The following FSHR variants were observed in gnomAD, a reference collection of about 807,000 sequenced individuals.
FSHR encodes follicle-stimulating hormone receptor.
Under a neutral mutation model 52.1 loss-of-function variants are expected in FSHR, and 46 were observed. The ratio of observed to expected loss-of-function variants is 0.88; its 90% CI spans 0.70 to 1.13. The LOEUF (loss-of-function observed/expected upper bound fraction) is 1.13, where lower values mean the gene tolerates loss of function less well. Among genes scored for constraint, FSHR ranks in the 50% most tolerant of loss-of-function variants. The pLI, the probability that FSHR is intolerant of heterozygous loss-of-function variation, is 0.00. For synonymous variants in FSHR, 399 were observed against 309.6 expected (o/e 1.29, Z -3.03); for missense variants, 964 against 834.6 (o/e 1.16, Z -1.91).
intron 3 of FSHR, among the ~76,000 whole-genome samples, chr2:49,018,390 TC>T (rs1667571848): frequency 6.6e-6 from 1 of 152,226 alleles, no homozygotes; most frequent in African/African-American, 2.4e-5. Flanking sequence ...AGTTACTTCC[TC>T]CCTGTTTCAT....
chr2:49,027,206 C>T (rs561875085), intron 2 of FSHR, among the ~76,000 whole-genome samples: 53 of 152,284 alleles, frequency 3.5e-4, no homozygotes, highest in South Asian at 1.5e-3. Flanking sequence ...TTCTTGCAAA[C>T]CTCCCTTTAT....
At chr2:49,040,014 C>T (rs1248270734) in intron 2 of FSHR, among the ~76,000 whole-genome samples, 3 of 151,726 alleles carry the variant, frequency 2.0e-5, no homozygotes, top group Admixed American at 6.6e-5. Flanking sequence ...GAAGCATTTC[C>T]AAAAGCATTT....
At chr2:49,119,504 C>T (rs747713711) in intron 1 of FSHR, among the ~76,000 whole-genome samples, 1 of 151,944 alleles carries the variant, frequency 6.6e-6, no homozygotes, top group South Asian at 2.1e-4. Context: ...TCAATTTATC[C>T]AGCACCTGAA....
At chr2:49,051,635 T>G (rs1355422048) in intron 2 of FSHR, among the ~76,000 whole-genome samples, 1 of 152,110 alleles carries the variant, frequency 6.6e-6, no homozygotes, top group Non-Finnish European at 1.5e-5. Context: ...ATTATGTGAT[T>G]TGGTTGTCAT....
At chr2:49,103,254 C>T (rs530433620) in intron 1 of FSHR, among the ~76,000 whole-genome samples, 1 of 152,092 alleles carries the variant, frequency 6.6e-6, no homozygotes, top group Admixed American at 6.6e-5. Flanking sequence ...GGGACTGATA[C>T]AGAAATGCTG....
chr2:49,014,617 C>T, intron 4 of FSHR: 1 of 255,160 alleles, frequency 3.9e-6, no homozygotes, highest in Non-Finnish European at 7.7e-6. Flanking sequence ...GTGCTGGCTG[C>T]AAGATGTGGG....
intron 1 of FSHR, among the ~76,000 whole-genome samples, chr2:49,132,583 A>G (rs1055151955): frequency 3.9e-5 from 6 of 152,172 alleles, no homozygotes; most frequent in Non-Finnish European, 7.4e-5. Context: ...ATTATTTAAC[A>G]CTAATAATGC....
intron 1 of FSHR, among the ~76,000 whole-genome samples, chr2:49,141,866 C>A (rs1473608146): frequency 1.3e-5 from 2 of 152,038 alleles, no homozygotes; most frequent in East Asian, 3.9e-4. Context: ...ATGTTAAAAT[C>A]AGGTATATAA....
At position 49,060,184 on chromosome 2, in the gene FSHR, G is replaced by A. The variant is rs541449250; in HGVS notation, c.224+8035C>T. Among the ~76,000 whole-genome samples, 40 of 151,832 alleles carry A rather than the reference G, an allele frequency of 2.6e-4. No homozygotes were observed. The South Asian group carries it at 7.3e-3, about 28-fold the overall frequency. On this transcript the variant is annotated intron_variant, in intron 2 of 9. Coordinates refer to ENST00000406846, the MANE Select transcript of FSHR (RefSeq NM_000145.4). ...ACACCATTTGGGATGGTTATTAAAC[G>A]AAAAAAATACCGGTGAGGATGCAGA...
chr2:49,018,829 G>A lies in FSHR; in HGVS notation c.299+1257C>T, dbSNP rs535430005. ...AGACTAAAGAAATTCACACACACGCGCATGCACACACACACACACCTGTGT... is the reference window on the plus strand; with the variant it reads ...AGACTAAAGAAATTCACACACACGCACATGCACACACACACACACCTGTGT... On this transcript the variant is annotated intron_variant, in intron 3 of 9. Coordinates refer to ENST00000406846, the MANE Select transcript of FSHR (RefSeq NM_000145.4). Among the ~76,000 whole-genome samples, 10 of 115,472 alleles carry A rather than the reference G, an allele frequency of 8.7e-5. No homozygotes were observed. In the East Asian group the frequency reaches 1.8e-3, roughly 21 times the overall value. The allele number at this position is 115,472 out of a possible 152,430, so 75.8% of individuals were successfully genotyped here.
At chr2:49,039,924 G>GT (rs11338274) in intron 2 of FSHR, among the ~76,000 whole-genome samples, 4 of 150,124 alleles carry the variant, frequency 2.7e-5, no homozygotes, top group Non-Finnish European at 4.4e-5. Flanking sequence ...TACATTGGTG[G>GT]TTTTTTTTTT....
intron 1 of FSHR, among the ~76,000 whole-genome samples, chr2:49,140,577 G>A (rs1023550404): frequency 2.6e-5 from 4 of 152,114 alleles, no homozygotes. Context: ...GTGCGTGCCT[G>A]TAATCCCAGC....
At chr2:49,102,016 A>G (rs1671044570) in intron 1 of FSHR, among the ~76,000 whole-genome samples, 1 of 152,124 alleles carries the variant, frequency 6.6e-6, no homozygotes, top group African/African-American at 2.4e-5. Context: ...TCTCAATACT[A>G]CCACATTGGG....
intron 1 of FSHR, among the ~76,000 whole-genome samples, chr2:49,129,134 G>A (rs891916989): frequency 2.2e-4 from 33 of 149,274 alleles, no homozygotes. Context: ...TCTTTCCCCT[G>A]CCTGTCTTGC....
chr2:49,032,867 C>T (rs1043690285), intron 2 of FSHR, among the ~76,000 whole-genome samples: 2 of 152,100 alleles, frequency 1.3e-5, no homozygotes, highest in African/African-American at 4.8e-5. Flanking sequence ...GATACATTGT[C>T]TTTATTTATT....
At chr2:49,122,675 A>G (rs998109229) in intron 1 of FSHR, among the ~76,000 whole-genome samples, 5 of 151,976 alleles carry the variant, frequency 3.3e-5, no homozygotes, top group African/African-American at 1.2e-4. Flanking sequence ...ATGATTTCCA[A>G]CTCCTACTCC....
At chr2:49,005,546 T>C (rs1667047992) in intron 4 of FSHR, among the ~76,000 whole-genome samples, 1 of 152,142 alleles carries the variant, frequency 6.6e-6, no homozygotes, top group Non-Finnish European at 1.5e-5. Context: ...ATGAGTGATA[T>C]CTGCAAGATG....
At chr2:49,007,392 A>G (rs934661981) in intron 4 of FSHR, among the ~76,000 whole-genome samples, 2 of 152,150 alleles carry the variant, frequency 1.3e-5, no homozygotes, top group Non-Finnish European at 2.9e-5. Flanking sequence ...GTTAAATTAT[A>G]AATAAACATA....
At chr2:49,127,827 T>TTCC (rs1558456633) in intron 1 of FSHR, among the ~76,000 whole-genome samples, 1 of 59,152 alleles carries the variant, frequency 1.7e-5, no homozygotes, top group African/African-American at 7.2e-5. Flanking sequence ...CTTCTTCTTC[T>TTCC]TCCTCTTCTT....
Sources: gnomAD v4.1 joint callset for allele counts (sites outside exome capture counted in the v4.1 genomes callset) on GRCh38, gnomAD v4.1.1 for gene constraint, MANE v1.5 for transcripts, NCBI Gene and HGNC (gene_info 2026-07-23, HGNC 2026-07-21) for gene names.